Variants in GABBR2 observed in about 807,000 individuals in gnomAD.
The protein encoded by GABBR2 is gamma-aminobutyric acid type B receptor subunit 2.
A neutral mutation model predicts 105.6 loss-of-function variants in GABBR2; 23 were observed. The ratio of observed to expected loss-of-function variants is 0.22; its 90% CI spans 0.16 to 0.31. GABBR2 has a LOEUF of 0.31. Ranked by LOEUF, GABBR2 falls within the 10% of genes least tolerant of loss-of-function variation. The pLI is 1.00. For synonymous variants in GABBR2, 478 were observed against 499.7 expected, an observed-to-expected ratio of 0.96 and a Z score of 0.58; for missense variants, 734 against 1,245.5, an observed-to-expected ratio of 0.59 and a Z score of 6.18.
chr9:98,649,342 C>T (rs1041187650), intron 1 of GABBR2, among the ~76,000 whole-genome samples: 1 of 152,136 alleles, frequency 6.6e-6, no homozygotes, highest in Admixed American at 6.5e-5. Flanking sequence ...TTGAAGCATC[C>T]TGGAATTTCA....
intron 6 of GABBR2, among the ~76,000 whole-genome samples, chr9:98,462,301 A>G (rs986681821): frequency 6.6e-6 from 1 of 152,238 alleles, no homozygotes; most frequent in Non-Finnish European, 1.5e-5. Context: ...AGACTAATAC[A>G]TTGGATTACA....
intron 10 of GABBR2, among the ~76,000 whole-genome samples, chr9:98,386,647 C>A (rs887569989): frequency 4.6e-5 from 7 of 152,188 alleles, no homozygotes; most frequent in Admixed American, 6.5e-5. Context: ...GCCTGGCCCC[C>A]CCAGCACAAT....
chr9:98,500,339 T>C (rs1588197657), intron 3 of GABBR2, among the ~76,000 whole-genome samples: 1 of 152,152 alleles, frequency 6.6e-6, no homozygotes, highest in East Asian at 1.9e-4. Flanking sequence ...TGCTGAAAGC[T>C]CTGGGCATCC....
At chr9:98,333,884 T>C (rs1239566902) in intron 13 of GABBR2, among the ~76,000 whole-genome samples, 1 of 152,206 alleles carries the variant, frequency 6.6e-6, no homozygotes, top group Non-Finnish European at 1.5e-5. Context: ...CATGGGCATG[T>C]TATTTAACCC....
chr9:98,519,710 C>G (rs915114962), intron 3 of GABBR2, among the ~76,000 whole-genome samples: 1 of 142,546 alleles, frequency 7.0e-6, no homozygotes, highest in African/African-American at 2.6e-5. Flanking sequence ...GAGCCGGCAA[C>G]TTTTTTTTTT....
At chr9:98,607,019 A>C in intron 1 of GABBR2, 1 of 1,070,108 alleles carries the variant, frequency 9.3e-7, no homozygotes, top group Admixed American at 1.7e-5. Flanking sequence ...AGACCCCTGA[A>C]GGCTATGTGG....
chr9:98,335,965 T>G (rs1292221217), intron 13 of GABBR2, among the ~76,000 whole-genome samples: 1 of 152,142 alleles, frequency 6.6e-6, no homozygotes, highest in Non-Finnish European at 1.5e-5. Flanking sequence ...CTGAGTAAGA[T>G]AGTTAAGGGC....
intron 11 of GABBR2, among the ~76,000 whole-genome samples, chr9:98,381,746 T>A (rs1050722262): frequency 2.0e-5 from 3 of 152,160 alleles, no homozygotes; most frequent in African/African-American, 7.2e-5. Context: ...CCCTAATATC[T>A]TTTCGGGCCC....
intron 3 of GABBR2, among the ~76,000 whole-genome samples, chr9:98,513,464 C>G (rs1247713338): frequency 6.0e-5 from 9 of 150,912 alleles, no homozygotes; most frequent in East Asian, 2.0e-4. Flanking sequence ...TCAGAGTGAA[C>G]AGGCAACCTA....
At chr9:98,533,720 G>C (rs1828114169) in intron 3 of GABBR2, among the ~76,000 whole-genome samples, 1 of 152,192 alleles carries the variant, frequency 6.6e-6, no homozygotes, top group Non-Finnish European at 1.5e-5. Flanking sequence ...GGAGAAAAAT[G>C]AGGAGGAAGA....
At chr9:98,628,088 G>A (rs561209230) in intron 1 of GABBR2, among the ~76,000 whole-genome samples, 3 of 152,204 alleles carry the variant, frequency 2.0e-5, no homozygotes, top group South Asian at 2.1e-4. Context: ...CTTAAGCACC[G>A]TTACAAGTAG....
At chr9:98,535,910 G>A (rs569177641) in intron 3 of GABBR2, among the ~76,000 whole-genome samples, 7 of 152,180 alleles carry the variant, frequency 4.6e-5, no homozygotes, top group Non-Finnish European at 8.8e-5. Context: ...ATGAATACAT[G>A]TCATTACACA....
intron 11 of GABBR2, among the ~76,000 whole-genome samples, chr9:98,377,853 T>G (rs1383754718): frequency 2.6e-5 from 4 of 152,278 alleles, no homozygotes; most frequent in Middle Eastern, 3.4e-3. Flanking sequence ...TCAGGCCCTG[T>G]GACAGCCAGT....
chr9:98,363,199 C>A (rs78162521), intron 12 of GABBR2, among the ~76,000 whole-genome samples: 1 of 152,252 alleles, frequency 6.6e-6, no homozygotes, highest in Admixed American at 6.5e-5. Context: ...TTAAACATCT[C>A]GATCAATTGT....
intron 1 of GABBR2, among the ~76,000 whole-genome samples, chr9:98,583,071 C>T (rs186839517): frequency 7.1e-4 from 108 of 152,268 alleles, no homozygotes; most frequent in Non-Finnish European, 1.2e-3. Flanking sequence ...AGGATAATGC[C>T]GCAAGCCCAG....
chr9:98,708,553 A>G lies in GABBR2; in HGVS notation c.185T>C (p.Met62Thr). ...CTTGGCCACCTCCTTGGTGAGCGGC[A>G]TGAGGCCCATGATGGAGAGCGGCGG... ...SSPPLSIMGL[M>T]PLTKEVAKGS... Residue 62 changes from methionine (M) to threonine (T), a missense_variant, in exon 1 of 19, where the codon ATG becomes ACG. Around this residue, in one of 7 missense-constraint regions of GABBR2, gnomAD observed 370 missense variants for 648.9 expected, o/e 0.57. Transcript: ENST00000259455. 1 of 1,589,518 alleles carries G rather than the reference A, an allele frequency of 6.3e-7. No homozygotes were observed. Among genetic ancestry groups the G allele is most frequent in the Non-Finnish European group, 8.5e-7 (1 of 1,172,116 alleles).
At chr9:98,397,687 A>G (rs1225355528) in intron 8 of GABBR2, among the ~76,000 whole-genome samples, 1 of 152,032 alleles carries the variant, frequency 6.6e-6, no homozygotes, top group Non-Finnish European at 1.5e-5. Context: ...CCCTCCCTTT[A>G]ACAAGTTAAC....
chr9:98,618,418 T>C (rs1829618152), intron 1 of GABBR2, among the ~76,000 whole-genome samples: 1 of 152,030 alleles, frequency 6.6e-6, no homozygotes, highest in Admixed American at 6.5e-5. Context: ...TAATGACATG[T>C]TCTGCATCTT....
intron 13 of GABBR2, among the ~76,000 whole-genome samples, chr9:98,322,638 C>T (rs1389157260): frequency 6.6e-6 from 1 of 151,828 alleles, no homozygotes; most frequent in Admixed American, 6.6e-5. Flanking sequence ...GTTCCCCATC[C>T]CCCAGTCTCA....
Sources: allele counts gnomAD v4.1 joint callset (sites outside exome capture counted in the v4.1 genomes callset), GRCh38; gene constraint gnomAD v4.1.1; regional missense constraint gnomAD v4.1.1; transcripts MANE v1.5; gene names NCBI Gene and HGNC (gene_info 2026-07-23, HGNC 2026-07-21).